The following RBMS3 variants were observed in gnomAD, a reference collection of about 807,000 sequenced individuals.
RBMS3 encodes the protein RNA binding motif single stranded interacting protein 3.
RBMS3 carries 27 observed loss-of-function variants against 66.8 expected under a neutral mutation model. The ratio of observed to expected loss-of-function variants is 0.40; its 90% CI spans 0.30 to 0.56. The LOEUF is 0.56. RBMS3 is among the 20% of genes least tolerant of loss of function. The pLI is 0.40. For synonymous variants in RBMS3, 188 were observed against 183.0 expected, an observed-to-expected ratio of 1.03 and a Z score of -0.22; for missense variants, 513 against 549.5, an observed-to-expected ratio of 0.93 and a Z score of 0.66.
intron 12 of RBMS3, among the ~76,000 whole-genome samples, chr3:29,987,498 G>A (rs1443984715): frequency 6.6e-6 from 1 of 152,080 alleles, no homozygotes; most frequent in Non-Finnish European, 1.5e-5. Flanking sequence ...AAAATCTGGT[G>A]AATTAAAGGT....
intron 3 of RBMS3, among the ~76,000 whole-genome samples, chr3:29,525,960 G>C (rs1200689666): frequency 6.6e-6 from 1 of 152,176 alleles, no homozygotes; most frequent in East Asian, 1.9e-4. Flanking sequence ...TTTTATCAAT[G>C]AAATTTAAGC....
chr3:29,884,354 G>T, intron 8 of RBMS3, 146 bp downstream of exon 8: 1 of 590,000 alleles, frequency 1.7e-6, no homozygotes, highest in Non-Finnish European at 2.7e-6. Flanking sequence ...CATCATTATA[G>T]TTTTTTTCAT....
At chr3:29,818,017 T>G (rs1012247814) in intron 6 of RBMS3, among the ~76,000 whole-genome samples, 2 of 152,198 alleles carry the variant, frequency 1.3e-5, no homozygotes, top group African/African-American at 4.8e-5. Flanking sequence ...CTTAACACTA[T>G]GTTCAATGTT....
At chr3:29,593,518 G>C (rs1393816766) in intron 4 of RBMS3, among the ~76,000 whole-genome samples, 1 of 147,420 alleles carries the variant, frequency 6.8e-6, no homozygotes, top group African/African-American at 2.5e-5. Flanking sequence ...GAGACTGGGT[G>C]GGAAACAATC....
intron 4 of RBMS3, among the ~76,000 whole-genome samples, chr3:29,646,279 C>T (rs2049916836): frequency 6.6e-6 from 1 of 152,206 alleles, no homozygotes; most frequent in Non-Finnish European, 1.5e-5. Flanking sequence ...CCTTAAATGT[C>T]TGATAAACTT....
chr3:29,653,499 G>A lies in RBMS3; in HGVS notation c.399+66294G>A, dbSNP rs905843800. Reference sequence around the variant, plus strand: ...TGTTTAACTGCCTAAGGCTAGACACGCAGTGATATCAGAATTAATATTGTT... The same window carrying A: ...TGTTTAACTGCCTAAGGCTAGACACACAGTGATATCAGAATTAATATTGTT... On this transcript the variant is annotated intron_variant, in intron 4 of 14. Transcript: ENST00000383767. Among the ~76,000 whole-genome samples the A allele has an allele frequency of 5.3e-5, 8 of 152,076 alleles. No individual in the cohort carries two copies. In the South Asian group the frequency reaches 1.0e-3, roughly 20 times the overall value.
At chr3:29,649,639 C>G (rs765892163) in intron 4 of RBMS3, among the ~76,000 whole-genome samples, 2 of 152,110 alleles carry the variant, frequency 1.3e-5, no homozygotes, top group Non-Finnish European at 2.9e-5. Flanking sequence ...ACCTCTGAGT[C>G]TCAGAGGTTC....
intron 3 of RBMS3, among the ~76,000 whole-genome samples, chr3:29,552,846 G>A (rs779846076): frequency 7.9e-5 from 12 of 152,078 alleles, no homozygotes; most frequent in Non-Finnish European, 1.8e-4. Context: ...GTATCTCTAG[G>A]TAGTATCTGG....
At chr3:29,428,745 C>G (rs1393365579) in intron 1 of RBMS3, among the ~76,000 whole-genome samples, 1 of 152,130 alleles carries the variant, frequency 6.6e-6, no homozygotes, top group Non-Finnish European at 1.5e-5. Context: ...GATCTACAAG[C>G]CAGTTCATTT....
chr3:29,367,940 C>T (rs1032267031), intron 1 of RBMS3, among the ~76,000 whole-genome samples: 3 of 152,050 alleles, frequency 2.0e-5, no homozygotes, highest in Non-Finnish European at 4.4e-5. Flanking sequence ...GTTCAAACAT[C>T]CCTAAGAAAA....
Position 29,868,246 on chromosome 3 carries a change from C to T in RBMS3, c.638-612C>T, listed in dbSNP as rs547450117. On this transcript the variant is annotated intron_variant, in intron 6 of 14. Transcript: ENST00000383767. ...CACAAGTTATAGCCATATCCTTTGG[C>T]TATATTTTTATCATGTGGGTTCACT... is the stretch of plus-strand genomic sequence containing the variant. Among the ~76,000 whole-genome samples, 4 of 152,154 alleles carry T rather than the reference C, an allele frequency of 2.6e-5. No homozygotes were observed. In the East Asian group the frequency reaches 7.7e-4, roughly 29 times the overall value.
intron 6 of RBMS3, among the ~76,000 whole-genome samples, chr3:29,839,730 A>G (rs1278279082): frequency 1.3e-5 from 2 of 151,878 alleles, no homozygotes; most frequent in African/African-American, 2.4e-5. Flanking sequence ...CAAAATGATA[A>G]TAGTCATTGG....
intron 12 of RBMS3, among the ~76,000 whole-genome samples, chr3:29,986,577 A>C (rs956154445): frequency 6.6e-6 from 1 of 152,208 alleles, no homozygotes; most frequent in African/African-American, 2.4e-5. Flanking sequence ...TATATAGCAG[A>C]GGCAAATTAC....
intron 4 of RBMS3, among the ~76,000 whole-genome samples, chr3:29,724,063 C>A (rs2053754594): frequency 1.3e-5 from 2 of 151,466 alleles, no homozygotes; most frequent in Non-Finnish European, 2.9e-5. Context: ...AATCATTAAT[C>A]TTTGTCGCTC....
intron 5 of RBMS3, among the ~76,000 whole-genome samples, chr3:29,760,218 C>T (rs184457957): frequency 1.8e-3 from 273 of 151,418 alleles, no homozygotes; most frequent in Non-Finnish European, 3.1e-3. Flanking sequence ...TTTTTAGCTT[C>T]CTCTCTATTC....
intron 6 of RBMS3, among the ~76,000 whole-genome samples, chr3:29,783,896 A>G (rs533101592): frequency 6.6e-6 from 1 of 152,320 alleles, no homozygotes; most frequent in African/African-American, 2.4e-5. Flanking sequence ...AGGAGTAGCT[A>G]TGCTTACATC....
chr3:29,753,817 G>A (rs1053166776), intron 5 of RBMS3, among the ~76,000 whole-genome samples: 2 of 152,124 alleles, frequency 1.3e-5, no homozygotes, highest in Non-Finnish European at 2.9e-5. Context: ...GTTTAGATTT[G>A]TCAATTGAAC....
chr3:29,359,844 A>G (rs2037458572), intron 1 of RBMS3, among the ~76,000 whole-genome samples: 1 of 152,078 alleles, frequency 6.6e-6, no homozygotes, highest in African/African-American at 2.4e-5. Flanking sequence ...AGAGGTGTTT[A>G]TAGTATTCTC....
intron 1 of RBMS3, among the ~76,000 whole-genome samples, chr3:29,397,184 C>T (rs1386237935): frequency 6.6e-6 from 1 of 152,062 alleles, no homozygotes; most frequent in African/African-American, 2.4e-5. Context: ...TTTATATACA[C>T]AATTTCCAGG....
Sources: allele counts gnomAD v4.1 joint callset (sites outside exome capture counted in the v4.1 genomes callset), GRCh38; gene constraint gnomAD v4.1.1; transcripts MANE v1.5; gene names NCBI Gene and HGNC (gene_info 2026-07-23, HGNC 2026-07-21).